The following SPHKAP variants were observed in gnomAD, a reference collection of about 807,000 sequenced individuals.
SPHKAP encodes the protein SPHK1 interactor, AKAP domain containing.
A neutral mutation model predicts 137.5 loss-of-function variants in SPHKAP; 67 were observed. The ratio of observed to expected loss-of-function variants is 0.49; its 90% CI spans 0.40 to 0.60. The LOEUF (loss-of-function observed/expected upper bound fraction) is 0.60. Among genes scored for constraint, SPHKAP ranks in the 20% least tolerant of loss-of-function variants. The pLI is 0.00. For missense variants in SPHKAP, 2,097 were observed against 2,069.3 expected, an observed-to-expected ratio of 1.01 and a Z score of -0.26; for synonymous variants, 813 against 785.3, an observed-to-expected ratio of 1.04 and a Z score of -0.59.
chr2:228,020,555 C>G lies in SPHKAP; in HGVS notation c.698-399G>C, dbSNP rs570886785. On this transcript the variant is annotated intron_variant, in intron 6 of 11. Coordinates refer to ENST00000392056, the MANE Select transcript of SPHKAP (RefSeq NM_001142644.2). ...GATGCAGGGTGGGGAACATCACACA[C>G]TAGGGCCTGTTGTTGGCGGGGGGAG... is the stretch of plus-strand genomic sequence containing the variant. Among the ~76,000 whole-genome samples, 4 of 152,152 alleles carry G rather than the reference C, an allele frequency of 2.6e-5. No homozygotes were observed. In the East Asian group the frequency reaches 5.8e-4, roughly 22 times the overall value.
chr2:228,028,040 G>C, intron 3 of SPHKAP: 1 of 984,678 alleles, frequency 1.0e-6, no homozygotes, highest in Non-Finnish European at 1.2e-6. Flanking sequence ...CCAACACCCT[G>C]CTCAGCTTCC....
chr2:228,153,425 T>G (rs1300119264), intron 1 of SPHKAP, among the ~76,000 whole-genome samples: 1 of 152,228 alleles, frequency 6.6e-6, no homozygotes, highest in Non-Finnish European at 1.5e-5. Context: ...GAAGTAACTT[T>G]CTCAGTTTTT....
At chr2:228,006,161 T>C (rs1694121195) in intron 7 of SPHKAP, among the ~76,000 whole-genome samples, 1 of 152,192 alleles carries the variant, frequency 6.6e-6, no homozygotes, top group African/African-American at 2.4e-5. Context: ...ATTCTCCCCA[T>C]CACTTTCAGG....
chr2:228,144,597 T>C (rs7571377), intron 1 of SPHKAP, among the ~76,000 whole-genome samples: 6,563 of 152,154 alleles, frequency 0.043, 467 homozygotes, highest in African/African-American at 0.15. Context: ...TAGACAAAGT[T>C]CTTTATTTTA....
chr2:228,160,573 G>T (rs1296931584), intron 1 of SPHKAP, among the ~76,000 whole-genome samples: 1 of 152,066 alleles, frequency 6.6e-6, no homozygotes, highest in African/African-American at 2.4e-5. Context: ...CAGCAGCATG[G>T]GGGGTAATCG....
intron 3 of SPHKAP, among the ~76,000 whole-genome samples, chr2:228,091,335 C>T (rs990688536): frequency 6.6e-6 from 1 of 152,006 alleles, no homozygotes; most frequent in Non-Finnish European, 1.5e-5. Context: ...CATTGGAAAA[C>T]CCGTTCTAGA....
chr2:228,131,369 G>T, intron 2 of SPHKAP: 1 of 923,180 alleles, frequency 1.1e-6, no homozygotes, highest in Non-Finnish European at 1.3e-6. Flanking sequence ...CCAGGATCGT[G>T]GACATTCTAC....
chr2:228,161,529 G>T (rs1363871180), intron 1 of SPHKAP, among the ~76,000 whole-genome samples: 3 of 152,066 alleles, frequency 2.0e-5, no homozygotes, highest in Non-Finnish European at 4.4e-5. Context: ...ACAGGGAGGG[G>T]AACAATACAC....
At chr2:228,092,521 A>G (rs1464773151) in intron 3 of SPHKAP, among the ~76,000 whole-genome samples, 1 of 108,260 alleles carries the variant, frequency 9.2e-6, no homozygotes, top group African/African-American at 3.6e-5. Flanking sequence ...TATGTGCCAT[A>G]TATATGTATA....
intron 2 of SPHKAP, among the ~76,000 whole-genome samples, chr2:228,128,783 C>T (rs1451842561): frequency 1.3e-5 from 2 of 152,140 alleles, no homozygotes; most frequent in African/African-American, 2.4e-5. Flanking sequence ...TCTCAAGTGA[C>T]CAGATTCATT....
chr2:228,175,333 G>T (rs1365237719), intron 1 of SPHKAP, among the ~76,000 whole-genome samples: 3 of 151,946 alleles, frequency 2.0e-5, no homozygotes, highest in Non-Finnish European at 1.5e-5. Flanking sequence ...AATATCTGAT[G>T]ATTTAAAGCA....
intron 3 of SPHKAP, among the ~76,000 whole-genome samples, chr2:228,087,738 G>A (rs938468672): frequency 3.3e-5 from 5 of 152,102 alleles, no homozygotes; most frequent in African/African-American, 1.2e-4. Flanking sequence ...GAGATTGACA[G>A]GGATATGCAA....
chr2:227,984,273 C>A (rs1693124937), intron 11 of SPHKAP, among the ~76,000 whole-genome samples: 1 of 142,172 alleles, frequency 7.0e-6, no homozygotes, highest in African/African-American at 2.6e-5. Flanking sequence ...GCACTTCAGC[C>A]TGGGTGACAG....
At chr2:228,169,286 C>T (rs1028807342) in intron 1 of SPHKAP, among the ~76,000 whole-genome samples, 1 of 152,062 alleles carries the variant, frequency 6.6e-6, no homozygotes, top group African/African-American at 2.4e-5. Flanking sequence ...AACAAGATGC[C>T]ATCTAGGACT....
intron 1 of SPHKAP, among the ~76,000 whole-genome samples, chr2:228,164,371 G>A (rs1252326788): frequency 6.6e-6 from 1 of 152,098 alleles, no homozygotes; most frequent in Non-Finnish European, 1.5e-5. Context: ...CCTTGTGATC[G>A]TGTGAGCCAG....
intron 2 of SPHKAP, among the ~76,000 whole-genome samples, chr2:228,124,111 T>C (rs1301740913): frequency 1.3e-5 from 2 of 151,938 alleles, no homozygotes; most frequent in Non-Finnish European, 2.9e-5. Flanking sequence ...TGTGGAGAAA[T>C]AGGAACACTT....
At chr2:228,074,989 AGGAGGAAGG>A (rs1697131892) in intron 3 of SPHKAP, among the ~76,000 whole-genome samples, 2 of 152,186 alleles carry the variant, frequency 1.3e-5, no homozygotes, top group Non-Finnish European at 2.9e-5. Context: ...GAAAAAGAGA[AGGAGGAAGG>A]GGAGGAAGAA....
At chr2:228,139,724 G>A (rs964407360) in intron 1 of SPHKAP, among the ~76,000 whole-genome samples, 3 of 151,760 alleles carry the variant, frequency 2.0e-5, no homozygotes, top group Admixed American at 2.0e-4. Context: ...AGGCTATGGG[G>A]GAATTTTTTC....
At chr2:227,993,919 C>A (rs571818609) in intron 8 of SPHKAP, 30 of 410,482 alleles carry the variant, frequency 7.3e-5, no homozygotes, top group Non-Finnish European at 8.9e-5. Flanking sequence ...TAGGGGGTAA[C>A]AATCAGTCTG....
Sources: allele counts gnomAD v4.1 joint callset (sites outside exome capture counted in the v4.1 genomes callset), GRCh38; gene constraint gnomAD v4.1.1; transcripts MANE v1.5; gene names NCBI Gene and HGNC (gene_info 2026-07-23, HGNC 2026-07-21).